The following FGF14 variants were observed in gnomAD, a reference collection of about 807,000 sequenced individuals.
FGF14 encodes fibroblast growth factor homologous factor 4.
In FGF14, 5 loss-of-function variants were observed where a neutral mutation model predicts 25.5. The ratio of observed to expected loss-of-function variants is 0.20; its 90% CI spans 0.10 to 0.41. The LOEUF is 0.41. Among genes scored for constraint, FGF14 ranks in the 10% least tolerant of loss-of-function variants. FGF14 has a pLI of 1.00. For missense variants in FGF14, 222 were observed against 320.1 expected, an observed-to-expected ratio of 0.69 and a Z score of 2.34; for synonymous variants, 138 against 118.3, an observed-to-expected ratio of 1.17 and a Z score of -1.08.
chr13:101,870,734 A>C (rs2045015301), intron 2 of FGF14, among the ~76,000 whole-genome samples: 1 of 152,144 alleles, frequency 6.6e-6, no homozygotes, highest in African/African-American at 2.4e-5. Context: ...CGGGTGGATC[A>C]CCTGAGGTCA....
Position 101,714,715 on chromosome 13 carries a change from G to A in FGF14, c.*8116C>T, listed in dbSNP as rs1318549271. ...CATTTGGGAAAAAGCCCTCACAAAA[G>A]CCTCACATTATTCCTAGGCATAGAA... On this transcript the variant is annotated 3_prime_UTR_variant, in exon 5 of 5. Transcript: ENST00000376143. 1.7e-6 allele frequency: 1 copy of A among 600,760 alleles called. No individual in the cohort carries two copies. The highest frequency in any genetic ancestry group is 1.9e-5 in the African/African-American group (1 of 53,896). The allele number at this position is 600,760 out of a possible 1,614,324, so 37.2% of individuals were successfully genotyped here.
Position 102,342,037 on chromosome 13 carries a change from A to G in FGF14, c.208+59434T>C, listed in dbSNP as rs75484397. 6.1e-3 allele frequency among the ~76,000 whole-genome samples: 927 copies of G among 152,252 alleles called. 6 individuals carry two copies. The highest frequency in any genetic ancestry group is 0.021 in the African/African-American group (877 of 41,538). On this transcript the variant is annotated intron_variant, in intron 1 of 4. Transcript: ENST00000376131. ...CAGACTGGGAATCTTCACTCACGCA[A>G]TCAAAGTTTCTGTTGATTTCAGTAG... is the stretch of plus-strand genomic sequence containing the variant.
At chr13:102,298,556 T>C (rs565755902) in intron 1 of FGF14, among the ~76,000 whole-genome samples, 40 of 152,188 alleles carry the variant, frequency 2.6e-4, no homozygotes, top group Non-Finnish European at 5.3e-4. Context: ...TTACAGTATG[T>C]CTTTTACCAT....
At chr13:102,056,418 AT>A (rs1468537934) in intron 1 of FGF14, among the ~76,000 whole-genome samples, 1 of 152,214 alleles carries the variant, frequency 6.6e-6, no homozygotes, top group Non-Finnish European at 1.5e-5. Flanking sequence ...AACAGCAGAG[AT>A]TAACATTTCT....
At chr13:101,974,021 T>A (rs547928284) in intron 1 of FGF14, among the ~76,000 whole-genome samples, 1 of 152,238 alleles carries the variant, frequency 6.6e-6, no homozygotes, top group Non-Finnish European at 1.5e-5. Context: ...TTCATTGCAA[T>A]CTTTGAATGA....
intron 3 of FGF14, among the ~76,000 whole-genome samples, chr13:101,857,712 T>A (rs12430057): frequency 0.14 from 21,961 of 151,968 alleles, 1,770 homozygotes; most frequent in East Asian, 0.33. Context: ...GCGTCTATCT[T>A]TGTCATCACT....
chr13:102,346,630 A>G, intron 1 of FGF14, among the ~76,000 whole-genome samples: 1 of 152,142 alleles, frequency 6.6e-6, no homozygotes, highest in East Asian at 1.9e-4. Flanking sequence ...ACATACACAC[A>G]TTACACATAA....
chr13:101,991,213 T>C (rs2038883941), intron 1 of FGF14, among the ~76,000 whole-genome samples: 1 of 152,134 alleles, frequency 6.6e-6, no homozygotes, highest in Non-Finnish European at 1.5e-5. Context: ...TTCAATACTT[T>C]TTTAAAATAC....
intron 1 of FGF14, among the ~76,000 whole-genome samples, chr13:102,042,692 A>G (rs1261193094): frequency 6.6e-6 from 1 of 152,204 alleles, no homozygotes; most frequent in African/African-American, 2.4e-5. Context: ...GTTAAATGGA[A>G]CATAATCTCT....
At chr13:101,905,569 G>A (rs1594675173) in intron 1 of FGF14, among the ~76,000 whole-genome samples, 1 of 152,226 alleles carries the variant, frequency 6.6e-6, no homozygotes, top group East Asian at 1.9e-4. Flanking sequence ...GGGAGCTAGG[G>A]GAGGGATAGC....
At chr13:101,800,089 G>A (rs1215460711) in intron 3 of FGF14, among the ~76,000 whole-genome samples, 1 of 152,046 alleles carries the variant, frequency 6.6e-6, no homozygotes, top group Non-Finnish European at 1.5e-5. Flanking sequence ...ATTTTAATGA[G>A]TTAGCATTTT....
At chr13:102,053,483 TA>T (rs2042302516) in intron 1 of FGF14, among the ~76,000 whole-genome samples, 1 of 152,074 alleles carries the variant, frequency 6.6e-6, no homozygotes, top group Non-Finnish European at 1.5e-5. Flanking sequence ...ACCGATCAAT[TA>T]AAGAACAAAT....
At chr13:101,877,612 A>G (rs746459429) in intron 1 of FGF14, among the ~76,000 whole-genome samples, 23 of 152,202 alleles carry the variant, frequency 1.5e-4, no homozygotes, top group Non-Finnish European at 3.2e-4. Context: ...TGTCTTCAAC[A>G]CTAAAAATAA....
intron 1 of FGF14, among the ~76,000 whole-genome samples, 181 bp downstream of exon 1, chr13:101,916,272 G>A (rs1313152783): frequency 6.6e-6 from 1 of 152,246 alleles, no homozygotes; most frequent in Non-Finnish European, 1.5e-5. Flanking sequence ...ACTTCTCGGC[G>A]GCTACAGGTT....
At chr13:101,947,629 A>G (rs566024250) in intron 1 of FGF14, among the ~76,000 whole-genome samples, 3 of 152,326 alleles carry the variant, frequency 2.0e-5, no homozygotes, top group Admixed American at 1.3e-4. Context: ...AGTGGGAGCT[A>G]ACCATTGAGT....
intron 1 of FGF14, among the ~76,000 whole-genome samples, chr13:102,163,951 A>T (rs575519876): frequency 1.3e-5 from 2 of 152,236 alleles, no homozygotes; most frequent in African/African-American, 4.8e-5. Flanking sequence ...CTAACTTAAA[A>T]ATCTGATTCC....
At chr13:101,857,882 AAAAAG>A (rs1227747202) in intron 3 of FGF14, among the ~76,000 whole-genome samples, 2 of 152,042 alleles carry the variant, frequency 1.3e-5, no homozygotes, top group East Asian at 3.9e-4. Context: ...AAACAACATA[AAAAAG>A]AAAAAACAAT....
At chr13:102,365,043 C>T (rs1270816010) in intron 1 of FGF14, among the ~76,000 whole-genome samples, 2 of 152,144 alleles carry the variant, frequency 1.3e-5, no homozygotes, top group African/African-American at 4.8e-5. Flanking sequence ...TGTCTTTACA[C>T]CACTAGGTTT....
intron 1 of FGF14, among the ~76,000 whole-genome samples, chr13:102,333,233 C>T (rs1166104453): frequency 1.3e-5 from 2 of 152,160 alleles, no homozygotes; most frequent in African/African-American, 4.8e-5. Flanking sequence ...CTTAACCCAA[C>T]GTGGCTCTCA....
Sources: gnomAD v4.1 joint callset for allele counts (sites outside exome capture counted in the v4.1 genomes callset) on GRCh38, gnomAD v4.1.1 for gene constraint, MANE v1.5 for transcripts, NCBI Gene and HGNC (gene_info 2026-07-23, HGNC 2026-07-21) for gene names.